The following WIPF1 variants were observed in gnomAD, a reference collection of about 807,000 sequenced individuals.
WIPF1 encodes the protein WAS/WASL-interacting protein family member 1.
A neutral mutation model predicts 35.4 loss-of-function variants in WIPF1; 13 were observed. That is an observed-to-expected ratio of 0.37 (90% CI 0.24 to 0.58). The LOEUF is 0.58. Ranked by LOEUF, WIPF1 falls within the 20% of genes least tolerant of loss-of-function variation. The probability of loss-of-function intolerance (pLI) is 0.74; values close to 1 mark genes in which losing one functional copy is unlikely to be tolerated. For synonymous variants in WIPF1, 267 were observed against 266.3 expected (o/e 1.00, Z -0.02); for missense variants, 591 against 667.0 (o/e 0.89, Z 1.25).
chr2:174,643,133 G>T (rs1244833293), intron 1 of WIPF1, among the ~76,000 whole-genome samples: 3 of 149,066 alleles, frequency 2.0e-5, no homozygotes, highest in Non-Finnish European at 4.4e-5. Context: ...TATTATATGT[G>T]GCCAATACAT....
chr2:174,604,405 A>G (rs1202716214), intron 1 of WIPF1, among the ~76,000 whole-genome samples: 1 of 152,252 alleles, frequency 6.6e-6, no homozygotes, highest in East Asian at 1.9e-4. Context: ...TTACACACAA[A>G]GTCAATGCTG....
rs1430804372 is a variant in WIPF1, at chr2:174,571,826, C to T, written c.979G>A (p.Gly327Ser). 4.3e-6 allele frequency: 7 copies of T among 1,614,024 alleles called. No homozygotes were observed. The Admixed American group carries it at 6.7e-5, about 15-fold the overall frequency. Residue 327 changes from glycine to serine, a missense_variant, in exon 5 of 8, where the codon GGC becomes AGC. Coordinates refer to ENST00000679041, the MANE Select transcript of WIPF1 (RefSeq NM_001375834.1). The surrounding 1 kb of genome is among the most constrained non-coding windows in gnomAD (Gnocchi z 4.6). ...GGGAGTCTTGGGGTTTCGTCATTGCCGCTGGAACTTGGAGGCAGAGGAGGC... is the reference window on the plus strand; with the variant it reads ...GGGAGTCTTGGGGTTTCGTCATTGCTGCTGGAACTTGGAGGCAGAGGAGGC... ...GPPPLPPSSSGNDETPRLPQR... is the reference protein window; with the variant it reads ...GPPPLPPSSSSNDETPRLPQR...
chr2:174,612,416 TC>T (rs1279085047), intron 1 of WIPF1, among the ~76,000 whole-genome samples: 1 of 152,238 alleles, frequency 6.6e-6, no homozygotes. Flanking sequence ...TGTTCTATTA[TC>T]TATGTAAATA....
intron 4 of WIPF1, among the ~76,000 whole-genome samples, chr2:174,574,524 A>C (rs1168475679): frequency 1.3e-5 from 2 of 152,222 alleles, no homozygotes; most frequent in Non-Finnish European, 2.9e-5. Flanking sequence ...CAACATTACA[A>C]AAGCAGTTTT....
intron 1 of WIPF1, 144 bp downstream of exon 1, chr2:174,597,457 T>C: frequency 6.6e-6 from 1 of 152,362 alleles, no homozygotes; most frequent in East Asian, 1.9e-4. Context: ...ACTAGCATTC[T>C]GGGCAACAGG....
chr2:174,593,600 GAACT>G lies in WIPF1; in HGVS notation c.-39+3997_-39+4000del, dbSNP rs1685698486. 6.6e-5 allele frequency among the ~76,000 whole-genome samples: 10 copies of G among 152,248 alleles called. No homozygotes were observed. In the South Asian group the frequency reaches 2.1e-3, roughly 32 times the overall value. Reference sequence around the variant, plus strand: ...TGTATTTAAGATCTGAAAACCATTAGAACTAATTAAGATGAATTTGGCTTTGTTC... The same window carrying G: ...TGTATTTAAGATCTGAAAACCATTAGAATTAAGATGAATTTGGCTTTGTTC... On this transcript the variant is annotated intron_variant, in intron 1 of 7. Coordinates refer to ENST00000679041, the MANE Select transcript of WIPF1 (RefSeq NM_001375834.1).
intron 1 of WIPF1, among the ~76,000 whole-genome samples, chr2:174,605,105 C>T (rs1323224067): frequency 1.3e-5 from 2 of 152,124 alleles, no homozygotes; most frequent in Admixed American, 6.5e-5. Flanking sequence ...GCAGTAAGAG[C>T]GAGGGGAGCC....
chr2:174,575,013 G>A lies in WIPF1; in HGVS notation c.358+191C>T, dbSNP rs370170351. 2.3e-5 allele frequency: 19 copies of A among 840,818 alleles called. 1 individual carries two copies. The highest frequency in any genetic ancestry group is 1.4e-4 in the African/African-American group (8 of 58,754). The allele number at this position is 840,818 out of a possible 1,614,324, so 52.1% of individuals were successfully genotyped here. ...CACTGGGTGAAAATTTCATAGTTCT[G>A]TGTAGCTGTCTGATCCTGGTTAATA... On this transcript the variant is annotated intron_variant, in intron 4 of 7. Transcript: ENST00000679041.
intron 1 of WIPF1, among the ~76,000 whole-genome samples, chr2:174,674,011 T>G (rs1036468174): frequency 6.6e-6 from 1 of 152,174 alleles, no homozygotes; most frequent in Non-Finnish European, 1.5e-5. Flanking sequence ...TACAAGAAAT[T>G]TTGCTGATTG....
At chr2:174,653,393 A>G (rs114661644) in intron 1 of WIPF1, among the ~76,000 whole-genome samples, 19 of 152,184 alleles carry the variant, frequency 1.2e-4, no homozygotes, top group African/African-American at 4.6e-4. Flanking sequence ...ATATGGGGAT[A>G]GTACCTCTTA....
At position 174,633,932 on chromosome 2, in the gene WIPF1, A is replaced by AG. The variant is rs1327710551; in HGVS notation, c.-38-48322dup. On this transcript the variant is annotated intron_variant, in intron 1 of 8. Coordinates refer to the WIPF1 transcript ENST00000272746. ...TCTACTCCTGTTTTGTGTTAGTAAA[A>AG]GAAGGAAGGAAAGAAAAGGGGGAAG... 5.3e-5 allele frequency among the ~76,000 whole-genome samples: 8 copies of AG among 152,320 alleles called. No individual in the cohort carries two copies. The South Asian group carries it at 1.7e-3, about 32-fold the overall frequency.
intron 6 of WIPF1, 45 bp from the exon 7 acceptor site, chr2:174,567,228 T>C: frequency 6.5e-7 from 1 of 1,546,494 alleles, no homozygotes; most frequent in Non-Finnish European, 8.9e-7. Flanking sequence ...GACAATGTGC[T>C]ATGAAGACTT....
chr2:174,644,914 G>A (rs1687372775), intron 1 of WIPF1, among the ~76,000 whole-genome samples: 1 of 152,118 alleles, frequency 6.6e-6, no homozygotes, highest in Non-Finnish European at 1.5e-5. Flanking sequence ...TATCACTGGA[G>A]GGATATGGCG....
chr2:174,661,555 G>T (rs928701512), intron 1 of WIPF1, among the ~76,000 whole-genome samples: 3 of 152,022 alleles, frequency 2.0e-5, no homozygotes, highest in African/African-American at 7.2e-5. Context: ...GCCCTCCCTT[G>T]ACTGCCATGT....
At chr2:174,597,928 A>G (rs1685874724), upstream of WIPF1, 1 of 152,648 alleles carries the variant, frequency 6.6e-6, no homozygotes, top group African/African-American at 2.4e-5. Context: ...ATTAAAAAAA[A>G]TTAAATGTTT....
chr2:174,657,159 T>A (rs918802386), intron 1 of WIPF1, among the ~76,000 whole-genome samples: 11 of 152,228 alleles, frequency 7.2e-5, no homozygotes. Flanking sequence ...TTCTAATAAT[T>A]GCTTTTCTTC....
chr2:174,649,103 A>G (rs1168306404), intron 1 of WIPF1, among the ~76,000 whole-genome samples: 1 of 152,146 alleles, frequency 6.6e-6, no homozygotes, highest in Admixed American at 6.5e-5. Context: ...GTATCCTGAG[A>G]TGACAGACAT....
chr2:174,591,574 C>T (rs1370377044), intron 1 of WIPF1, among the ~76,000 whole-genome samples: 1 of 151,990 alleles, frequency 6.6e-6, no homozygotes, highest in African/African-American at 2.4e-5. Flanking sequence ...CTAGCAATAA[C>T]CCTTTCGTAA....
At chr2:174,573,751 G>A (rs1439685160) in intron 4 of WIPF1, among the ~76,000 whole-genome samples, 1 of 152,220 alleles carries the variant, frequency 6.6e-6, no homozygotes, top group Non-Finnish European at 1.5e-5. Flanking sequence ...GGGAAGTGGA[G>A]CCTGAGTGGC....
Sources: allele counts gnomAD v4.1 joint callset (sites outside exome capture counted in the v4.1 genomes callset), GRCh38; gene constraint gnomAD v4.1.1; non-coding constraint Gnocchi (gnomAD v3.1); transcripts MANE v1.5; gene names NCBI Gene and HGNC (gene_info 2026-07-23, HGNC 2026-07-21).